Variants in MMUT observed in about 807,000 individuals in gnomAD.
The protein encoded by MMUT is methylmalonyl-CoA mutase, mitochondrial.
In MMUT, 79 loss-of-function variants were observed where a neutral mutation model predicts 79.9. That is an observed-to-expected ratio of 0.99 (90% confidence interval 0.82 to 1.19). MMUT has a LOEUF of 1.19. Ranked by LOEUF, MMUT falls within the 50% of genes most tolerant of loss-of-function variation. The pLI is 0.00. For missense variants in MMUT, 860 were observed against 917.2 expected (o/e 0.94, Z 0.81); for synonymous variants, 273 against 295.7 (o/e 0.92, Z 0.79).
At chr6:49,444,375 G>C (rs949877515) in intron 9 of MMUT, among the ~76,000 whole-genome samples, 2 of 151,948 alleles carry the variant, frequency 1.3e-5, no homozygotes, top group Non-Finnish European at 2.9e-5. Context: ...TTCAACCTGC[G>C]AATCAGTGAA....
At chr6:49,454,186 T>C (rs1039464355) in intron 4 of MMUT, among the ~76,000 whole-genome samples, 1 of 152,240 alleles carries the variant, frequency 6.6e-6, no homozygotes, top group Non-Finnish European at 1.5e-5. Context: ...TCTAGGCATA[T>C]ACTTCTCCAA....
At position 49,459,214 on chromosome 6, in the gene MMUT, G is replaced by C. The variant is rs762507663; in HGVS notation, c.253C>G (p.Leu85Val). The change falls in exon 2 of 13, where the codon CTT (leucine) becomes GTT (valine). Residue 85 changes from leucine to valine, a missense_variant. Physicochemically the swap from Leu to Val is conservative, Grantham distance 32. Coordinates refer to ENST00000274813, the MANE Select transcript of MMUT (RefSeq NM_000255.4). ...CGTGTGAATGGCTTCACTCCTGGAA[G>C]TTCTTCAGGTAAGTCCATAGTATCT... ...KRDTMDLPEE[L>V]PGVKPFTRGP... The C allele has an allele frequency of 3.1e-6, 5 of 1,614,208 alleles. No individual in the cohort carries two copies. Among genetic ancestry groups the C allele is most frequent in the Non-Finnish European group, 3.4e-6 (4 of 1,180,038 alleles).
At chr6:49,455,392 G>C (rs1047825821) in intron 4 of MMUT, among the ~76,000 whole-genome samples, 1 of 152,142 alleles carries the variant, frequency 6.6e-6, no homozygotes, top group East Asian at 1.9e-4. Flanking sequence ...ATGCCCAACT[G>C]TTCTTAGACC....
rs1360684081 is a variant in MMUT at position 49,451,340 on chromosome 6, TA to T, written c.1332+125del. On this transcript the variant is annotated intron_variant, in intron 6 of 12. Coordinates refer to ENST00000274813, the MANE Select transcript of MMUT (RefSeq NM_000255.4). ...TGCAAACATCGTTTAAATTATTATA[TA>T]AATCTGTAAGTGATTTGATTTATAA... is the stretch of plus-strand genomic sequence containing the variant. The T allele has an allele frequency of 4.4e-5, 50 of 1,127,416 alleles. 1 individual carries two copies. The highest frequency in any genetic ancestry group is 5.9e-5 in the Non-Finnish European group (48 of 814,734). The allele number at this position is 1,127,416 out of a possible 1,614,324, so 69.8% of individuals were successfully genotyped here.
intron 11 of MMUT, among the ~76,000 whole-genome samples, chr6:49,437,940 A>G (rs1332481470): frequency 1.3e-5 from 2 of 152,008 alleles, no homozygotes; most frequent in East Asian, 1.9e-4. Flanking sequence ...CTTTGTCCAT[A>G]TTTTAGTTAT....
chr6:49,445,988 T>C (rs1372335418), intron 8 of MMUT, among the ~76,000 whole-genome samples: 1 of 151,998 alleles, frequency 6.6e-6, no homozygotes, highest in East Asian at 1.9e-4. Context: ...CTATTGTAGA[T>C]ATTGGATCAC....
At position 49,448,879 on chromosome 6, in the gene MMUT, C is replaced by G. The variant is rs1030825518; in HGVS notation, c.1381G>C (p.Glu461Gln). 4 of 1,613,504 alleles carry G rather than the reference C, an allele frequency of 2.5e-6. No individual in the cohort carries two copies. In the African/African-American group the frequency reaches 5.3e-5, roughly 22 times the overall value. The change falls in exon 7 of 13, where the codon GAG (glutamate) becomes CAG (glutamine). Residue 461 changes from glutamate (E) to glutamine (Q), a missense_variant. By Grantham distance (29) the Glu-to-Gln change is conservative (BLOSUM62 2). Coordinates refer to ENST00000274813, the MANE Select transcript of MMUT (RefSeq NM_000255.4). ...EMGGMAKAVA[E>Q]GIPKLRIEEC... ...TCAATTCGAAGTTTAGGTATTCCCT[C>G]AGCTACAGCTTTGGCCATTCCACCC...
chr6:49,444,374 C>T (rs527275801), intron 9 of MMUT, among the ~76,000 whole-genome samples: 4 of 152,094 alleles, frequency 2.6e-5, no homozygotes, highest in South Asian at 2.1e-4. Context: ...TTTCAACCTG[C>T]GAATCAGTGA....
In MMUT at chr6:49,440,192, A is replaced by G. The variant is rs761752507; in HGVS notation, c.1956+14T>C. 5.0e-6 allele frequency: 8 copies of G among 1,613,874 alleles called. No homozygotes were observed. The highest frequency in any genetic ancestry group is 4.0e-5 in the African/African-American group (3 of 75,008). On this transcript the variant is annotated intron_variant, in intron 11 of 12. Coordinates refer to ENST00000274813, the MANE Select transcript of MMUT (RefSeq NM_000255.4). ...GTAAATACTTTTGAAATTCCCCCCA[A>G]CAGTTTTTAGTACCTGGAAAAGAGG...
intron 11 of MMUT, among the ~76,000 whole-genome samples, chr6:49,435,940 A>C (rs1183307755): frequency 6.6e-6 from 1 of 152,192 alleles, no homozygotes; most frequent in African/African-American, 2.4e-5. Flanking sequence ...CAAATTTACA[A>C]AAAAACATTA....
Position 49,459,299 on chromosome 6 carries a change from T to C in MMUT, c.168A>G (p.Pro56=), listed in dbSNP as rs1561959894. ...LAKKQLKGKN[P]EDLIWHTPEG... is the part of the protein sequence containing the mutation. Reference sequence around the variant, plus strand: ...CCGGGGTGTGCCATATTAGGTCTTCTGGGTTTTTGCCTTTCAGCTGCTTTT... The same window carrying C: ...CCGGGGTGTGCCATATTAGGTCTTCCGGGTTTTTGCCTTTCAGCTGCTTTT... Residue 56 remains proline, a synonymous_variant, in exon 2 of 13, where the codon CCA becomes CCG. Coordinates refer to ENST00000274813, the MANE Select transcript of MMUT (RefSeq NM_000255.4). 3 of 1,614,186 alleles carry C rather than the reference T, an allele frequency of 1.9e-6. No homozygotes were observed. Among genetic ancestry groups the C allele is most frequent in the Non-Finnish European group, 1.7e-6 (2 of 1,180,024 alleles).
chr6:49,453,680 C>A lies in MMUT; in HGVS notation c.988G>T (p.Ala330Ser). ...TGAAACATTTTCTCTATTAAGTGAG[C>A]CCAGAGTCTTCTACCAGCTCTCATC... ...AKMRAGRRLW[A>S]HLIEKMFQPK... is the part of the protein sequence containing the mutation. Residue 330 changes from alanine (A) to serine (S), a missense_variant, in exon 5 of 13, where the codon GCT (alanine) becomes TCT (serine). Physicochemically the swap from Ala to Ser is moderately conservative, Grantham distance 99. Coordinates refer to ENST00000274813, the MANE Select transcript of MMUT (RefSeq NM_000255.4). 1 of 1,613,044 alleles carries A rather than the reference C, an allele frequency of 6.2e-7. No homozygotes were observed. The highest frequency in any genetic ancestry group is 2.2e-5 in the East Asian group (1 of 44,732).
At chr6:49,447,223 A>C (rs1235352824) in intron 8 of MMUT, among the ~76,000 whole-genome samples, 2 of 151,964 alleles carry the variant, frequency 1.3e-5, no homozygotes, top group Non-Finnish European at 2.9e-5. Flanking sequence ...TAATTATTTC[A>C]AAGTAGTATC....
chr6:49,440,556 G>A (rs374494276), intron 10 of MMUT, among the ~76,000 whole-genome samples: 4 of 151,756 alleles, frequency 2.6e-5, no homozygotes, highest in Non-Finnish European at 4.4e-5. Flanking sequence ...AGTTAAACAC[G>A]TGCCATGGTA....
intron 1 of MMUT, among the ~76,000 whole-genome samples, chr6:49,461,705 G>A (rs62411931): frequency 0.027 from 4,158 of 152,202 alleles, 90 homozygotes; most frequent in Non-Finnish European, 0.044. Flanking sequence ...GGAAGCAGAG[G>A]TTGCAGTGAG....
At chr6:49,448,780 A>G in intron 7 of MMUT, 36 bp downstream of exon 7, 1 of 1,460,728 alleles carries the variant, frequency 6.8e-7, no homozygotes, top group Non-Finnish European at 9.6e-7. Context: ...CTTTTTAACT[A>G]CTGGATTTCA....
rs2127417901 is a variant in MMUT, at chr6:49,451,526, A to G, written c.1272T>C (p.Pro424=). 1 of 1,614,112 alleles carries G rather than the reference A, an allele frequency of 6.2e-7. No homozygotes were observed. The highest frequency in any genetic ancestry group is 1.3e-5 in the African/African-American group (1 of 75,042). ...EESGIPKVAD[P]WGGSYMMECL... is the part of the protein sequence containing the mutation. ...ATTCCATCATGTAAGAACCTCCCCA[A>G]GGATCAGCCACTTTGGGAATCCCAG... Residue 424 remains proline (P), a synonymous_variant, in exon 6 of 13, where the codon CCT becomes CCC. Coordinates refer to ENST00000274813, the MANE Select transcript of MMUT (RefSeq NM_000255.4).
At chr6:49,456,318 A>T in intron 3 of MMUT, 81 bp from the exon 4 acceptor site, 5 of 972,710 alleles carry the variant, frequency 5.1e-6, no homozygotes, top group Admixed American at 2.1e-5. Flanking sequence ...AAGCATAAAC[A>T]TTATTTTAAA....
intron 7 of MMUT, among the ~76,000 whole-genome samples, chr6:49,448,347 ATTCT>A (rs1418614973): frequency 6.6e-6 from 1 of 152,044 alleles, no homozygotes; most frequent in Non-Finnish European, 1.5e-5. Context: ...ATGATCTATA[ATTCT>A]TTATTTACTT....
Sources: gnomAD v4.1 joint callset for allele counts (sites outside exome capture counted in the v4.1 genomes callset) on GRCh38, gnomAD v4.1.1 for gene constraint, MANE v1.5 for transcripts, NCBI Gene and HGNC (gene_info 2026-07-23, HGNC 2026-07-21) for gene names.